Variants in SPOCK3 observed in about 807,000 individuals in gnomAD.
SPOCK3 encodes the protein SPARC (osteonectin), cwcv and kazal like domains proteoglycan 3.
Under a neutral mutation model 56.6 loss-of-function variants are expected in SPOCK3, and 30 were observed. That is an observed-to-expected ratio of 0.53 (90% CI 0.40 to 0.72). The LOEUF (loss-of-function observed/expected upper bound fraction) is 0.72, where lower values mean the gene tolerates loss of function less well. Among genes scored for constraint, SPOCK3 ranks in the 30% least tolerant of loss-of-function variants. The pLI is 0.00. For synonymous variants in SPOCK3, 196 were observed against 183.3 expected (o/e 1.07, Z -0.56); for missense variants, 527 against 530.0 (o/e 0.99, Z 0.06).
chr4:167,177,529 A>C (rs1329087462), intron 2 of SPOCK3, among the ~76,000 whole-genome samples: 1 of 152,032 alleles, frequency 6.6e-6, no homozygotes, highest in Non-Finnish European at 1.5e-5. Context: ...AGGACTTATT[A>C]TGGGATTCAG....
intron 6 of SPOCK3, among the ~76,000 whole-genome samples, chr4:166,878,509 T>TATATGTATATTTC (rs200695401): frequency 0.077 from 11,610 of 150,858 alleles, 536 homozygotes; most frequent in Non-Finnish European, 0.1. Context: ...ATGTATATTT[T>TATATGTATATTTC]AAATGTATAA....
chr4:167,000,285 C>A, intron 4 of SPOCK3, 64 bp downstream of exon 4: 2 of 757,224 alleles, frequency 2.6e-6, no homozygotes, highest in South Asian at 3.7e-5. Flanking sequence ...AATATTTATA[C>A]TCTGCAGTTA....
At chr4:167,092,781 T>G (rs1045432110) in intron 2 of SPOCK3, among the ~76,000 whole-genome samples, 1 of 152,120 alleles carries the variant, frequency 6.6e-6, no homozygotes, top group South Asian at 2.1e-4. Flanking sequence ...ATAGAGAAAA[T>G]TTTCCATTCA....
In SPOCK3 at chr4:167,172,170, G is replaced by T. The variant is rs538703767; in HGVS notation, c.189+61815C>A. ...ACCAAGAGACTGACAGAGACAGCCA[G>T]ACATAGCAAGGGCCAGGGTACAACA... On this transcript the variant is annotated intron_variant, in intron 2 of 10. Coordinates refer to ENST00000357545, the MANE Select transcript of SPOCK3 (RefSeq NM_001040159.2). Among the ~76,000 whole-genome samples, 4 of 152,296 alleles carry T rather than the reference G, an allele frequency of 2.6e-5. No individual in the cohort carries two copies. The South Asian group carries it at 6.2e-4, about 24-fold the overall frequency.
intron 4 of SPOCK3, among the ~76,000 whole-genome samples, chr4:166,985,327 T>A (rs183152166): frequency 1.3e-5 from 2 of 152,260 alleles, no homozygotes; most frequent in Non-Finnish European, 2.9e-5. Context: ...TCCGTCCAAG[T>A]GAAGAGGCAA....
At chr4:167,197,240 A>C (rs189825703) in intron 2 of SPOCK3, among the ~76,000 whole-genome samples, 149 of 152,264 alleles carry the variant, frequency 9.8e-4, no homozygotes, top group Non-Finnish European at 5.0e-4. Context: ...ATCAGAGGTC[A>C]AATTAAGTTT....
At position 166,737,503 on chromosome 4, in the gene SPOCK3, C is replaced by T. The variant is rs747392218; in HGVS notation, c.1096G>A (p.Val366Ile). The change falls in exon 10 of 11, where the codon GTC (valine) becomes ATC (isoleucine). Residue 366 changes from valine (V) to isoleucine (I), a missense_variant. By Grantham distance (29) the Val-to-Ile change is conservative. Transcript: ENST00000357545. ...CWCVDRYGNE[V>I]MGSRINGVAD... is the part of the protein sequence containing the mutation. The stretch of plus-strand genomic sequence containing the variant: ...ACACCATTTATTCTGGATCCCATGA[C>T]TTCATTTCCATATCTGTCAACACAC... 14 of 1,613,300 alleles carry T rather than the reference C, an allele frequency of 8.7e-6. No individual in the cohort carries two copies. In the East Asian group the frequency reaches 2.2e-4, roughly 26 times the overall value.
chr4:166,791,075 T>A (rs1266966799), intron 7 of SPOCK3, among the ~76,000 whole-genome samples: 1 of 152,116 alleles, frequency 6.6e-6, no homozygotes, highest in Non-Finnish European at 1.5e-5. Context: ...AAATGAAAAA[T>A]ACTACAATTT....
At chr4:167,131,839 A>C (rs1167697896) in intron 2 of SPOCK3, among the ~76,000 whole-genome samples, 2 of 152,212 alleles carry the variant, frequency 1.3e-5, no homozygotes, top group African/African-American at 2.4e-5. Flanking sequence ...GAAACAGAAC[A>C]AACCAACCCA....
chr4:167,152,827 GTTT>G (rs755091256), intron 2 of SPOCK3, among the ~76,000 whole-genome samples: 2 of 152,054 alleles, frequency 1.3e-5, no homozygotes, highest in African/African-American at 4.8e-5. Context: ...ATCAAAATAT[GTTT>G]TTTAAAATTT....
intron 7 of SPOCK3, among the ~76,000 whole-genome samples, chr4:166,761,502 C>G (rs1478560006): frequency 1.2e-4 from 1 of 8,586 alleles, no homozygotes; most frequent in Non-Finnish European, 2.1e-4. Flanking sequence ...ACCCAAATGT[C>G]CAACAATGAT....
intron 2 of SPOCK3, among the ~76,000 whole-genome samples, chr4:167,064,138 C>T (rs1464607725): frequency 2.0e-5 from 3 of 151,606 alleles, no homozygotes; most frequent in African/African-American, 7.3e-5. Context: ...AATTAAGTTT[C>T]AGAAGTTTTT....
At chr4:166,776,207 G>A (rs1321620848) in intron 7 of SPOCK3, among the ~76,000 whole-genome samples, 1 of 152,104 alleles carries the variant, frequency 6.6e-6, no homozygotes, top group Non-Finnish European at 1.5e-5. Flanking sequence ...GAGGTCAGGA[G>A]ATCGAGACTA....
chr4:166,901,720 A>T (rs966688116), intron 5 of SPOCK3, among the ~76,000 whole-genome samples: 1 of 152,170 alleles, frequency 6.6e-6, no homozygotes, highest in African/African-American at 2.4e-5. Context: ...GGCAAAAGCC[A>T]CGTTGGATGT....
At chr4:166,770,437 C>T (rs1738778123) in intron 7 of SPOCK3, among the ~76,000 whole-genome samples, 1 of 152,052 alleles carries the variant, frequency 6.6e-6, no homozygotes, top group South Asian at 2.1e-4. Flanking sequence ...ACTTTAATTC[C>T]ATCTGCAATC....
intron 2 of SPOCK3, among the ~76,000 whole-genome samples, chr4:167,121,363 C>G (rs1383861558): frequency 6.6e-6 from 1 of 151,458 alleles, no homozygotes; most frequent in Non-Finnish European, 1.5e-5. Flanking sequence ...CATCTCTCTT[C>G]GTGTCAGCAA....
At chr4:166,938,973 A>ACC (rs1451827745) in intron 4 of SPOCK3, among the ~76,000 whole-genome samples, 1 of 151,794 alleles carries the variant, frequency 6.6e-6, no homozygotes, top group Non-Finnish European at 1.5e-5. Context: ...ACACACACAC[A>ACC]CACACACAGA....
At chr4:166,911,266 T>G (rs917089777) in intron 5 of SPOCK3, among the ~76,000 whole-genome samples, 12 of 152,208 alleles carry the variant, frequency 7.9e-5, no homozygotes, top group Admixed American at 7.9e-4. Context: ...ATTTAGTGAC[T>G]GAATTAATTA....
chr4:166,744,036 A>C (rs1255057023), intron 8 of SPOCK3, among the ~76,000 whole-genome samples: 1 of 152,200 alleles, frequency 6.6e-6, no homozygotes, highest in African/African-American at 2.4e-5. Flanking sequence ...GGCAGGGCAT[A>C]GCTGAACAAA....
Sources: gnomAD v4.1 joint callset for allele counts (sites outside exome capture counted in the v4.1 genomes callset) on GRCh38, gnomAD v4.1.1 for gene constraint, MANE v1.5 for transcripts, NCBI Gene and HGNC (gene_info 2026-07-23, HGNC 2026-07-21) for gene names.